HHLA2: variants seen among roughly 807,000 people sequenced by gnomAD.
HHLA2 encodes the protein HERV-H LTR-associating protein 2.
Under a neutral mutation model 45.9 loss-of-function variants are expected in HHLA2, and 48 were observed. The observed-to-expected ratio is 1.05, with a 90% CI of 0.83 to 1.33. The LOEUF is 1.33. Ranked by LOEUF, HHLA2 falls within the 40% of genes most tolerant of loss-of-function variation. The pLI, the probability that HHLA2 is intolerant of heterozygous loss-of-function variation, is 0.00. For missense variants in HHLA2, 462 were observed against 494.3 expected (o/e 0.93, Z 0.62); for synonymous variants, 161 against 173.9 (o/e 0.93, Z 0.59).
intron 2 of HHLA2, among the ~76,000 whole-genome samples, chr3:108,316,575 C>T (rs1056708135): frequency 1.3e-5 from 2 of 152,040 alleles, no homozygotes; most frequent in Non-Finnish European, 2.9e-5. Flanking sequence ...AACCTGCAGA[C>T]AACTGGTGTA....
chr3:108,329,533 G>C (rs563946387), intron 3 of HHLA2, among the ~76,000 whole-genome samples: 1 of 152,070 alleles, frequency 6.6e-6, no homozygotes, highest in East Asian at 1.9e-4. Context: ...TGTTTTCAGC[G>C]GGTCTAAATA....
chr3:108,366,487 C>CCTT (rs1296347685), intron 8 of HHLA2, among the ~76,000 whole-genome samples: 1 of 152,106 alleles, frequency 6.6e-6, no homozygotes, highest in Non-Finnish European at 1.5e-5. Flanking sequence ...ATGATGCTGG[C>CCTT]CTTATAAAAT....
intron 10 of HHLA2, 38 bp downstream of exon 9, chr3:108,376,595 TA>T: frequency 6.4e-7 from 1 of 1,552,772 alleles, no homozygotes; most frequent in Non-Finnish European, 8.8e-7. Context: ...ATATACAGTA[TA>T]AAAATGCTTC....
intron 9 of HHLA2, 88 bp from the exon 9 acceptor site, chr3:108,376,405 A>G: frequency 2.0e-6 from 2 of 982,664 alleles, no homozygotes; most frequent in Non-Finnish European, 3.0e-6. Context: ...GATGATTCTA[A>G]TAACATGATT....
chr3:108,319,422 T>C (rs1436976908), intron 2 of HHLA2, among the ~76,000 whole-genome samples: 1 of 152,228 alleles, frequency 6.6e-6, no homozygotes, highest in Non-Finnish European at 1.5e-5. Flanking sequence ...TCTTCTTGCC[T>C]TCTTCAGCTC....
intron 8 of HHLA2, among the ~76,000 whole-genome samples, chr3:108,371,158 G>A (rs1157956783): frequency 6.6e-6 from 1 of 152,242 alleles, no homozygotes; most frequent in Non-Finnish European, 1.5e-5. Context: ...CCAGAAGAGA[G>A]TGGGGGCCAA....
At chr3:108,301,203 G>T (rs924069719) in intron 1 of HHLA2, among the ~76,000 whole-genome samples, 72 of 152,214 alleles carry the variant, frequency 4.7e-4, no homozygotes, top group African/African-American at 1.7e-3. Flanking sequence ...TCCTAAGTGT[G>T]CTTTGTAGAT....
At chr3:108,375,698 C>T in intron 8 of HHLA2, 52 bp from the exon 8 acceptor site, 2 of 1,585,720 alleles carry the variant, frequency 1.3e-6, no homozygotes, top group Non-Finnish European at 1.7e-6. Flanking sequence ...TACAGGGAAA[C>T]AGCTGGGAGA....
chr3:108,336,198 GTAGT>G (rs1560222916), intron 3 of HHLA2, among the ~76,000 whole-genome samples: 1 of 152,142 alleles, frequency 6.6e-6, no homozygotes, highest in African/African-American at 2.4e-5. Context: ...TATTTATGAA[GTAGT>G]TAGCCTTATG....
At chr3:108,328,033 T>C (rs2081318091) in intron 2 of HHLA2, among the ~76,000 whole-genome samples, 1 of 152,014 alleles carries the variant, frequency 6.6e-6, no homozygotes, top group African/African-American at 2.4e-5. Context: ...CTTGGGAGGC[T>C]GAGGCAGGAG....
intron 3 of HHLA2, among the ~76,000 whole-genome samples, chr3:108,342,259 C>CTTTTTTTT (rs58477416): frequency 1.9e-5 from 2 of 108,100 alleles, no homozygotes; most frequent in Non-Finnish European, 3.6e-5. Flanking sequence ...TTCTTTCTCT[C>CTTTTTTTT]TTTTTTTTTT....
At chr3:108,305,366 C>T (rs897925601) in intron 1 of HHLA2, among the ~76,000 whole-genome samples, 1 of 152,082 alleles carries the variant, frequency 6.6e-6, no homozygotes, top group Non-Finnish European at 1.5e-5. Flanking sequence ...TTCTCTTGGT[C>T]GTAGCATTCA....
At chr3:108,321,028 A>C (rs1391852266) in intron 2 of HHLA2, among the ~76,000 whole-genome samples, 4 of 148,648 alleles carry the variant, frequency 2.7e-5, no homozygotes, top group East Asian at 4.0e-4. Flanking sequence ...ATTTATTAGC[A>C]AATTGTCAAG....
chr3:108,338,628 C>T (rs934257213), intron 3 of HHLA2, among the ~76,000 whole-genome samples: 1 of 152,208 alleles, frequency 6.6e-6, no homozygotes, highest in Admixed American at 6.5e-5. Context: ...TTTCTCTCCA[C>T]AAGCCTAGCA....
chr3:108,324,348 A>C (rs2081253319), intron 2 of HHLA2, among the ~76,000 whole-genome samples: 1 of 152,176 alleles, frequency 6.6e-6, no homozygotes, highest in Non-Finnish European at 1.5e-5. Context: ...GCCTTATTTT[A>C]TTAACTGTAC....
chr3:108,317,433 A>G (rs2081120645), intron 2 of HHLA2, among the ~76,000 whole-genome samples: 1 of 152,196 alleles, frequency 6.6e-6, no homozygotes, highest in African/African-American at 2.4e-5. Flanking sequence ...GCAGTGAGGG[A>G]AGAAGGGAAC....
chr3:108,312,511 C>CT (rs35442894), intron 2 of HHLA2, among the ~76,000 whole-genome samples: 1 of 152,080 alleles, frequency 6.6e-6, no homozygotes, highest in African/African-American at 2.4e-5. Context: ...TGTATACACT[C>CT]TTCCAGAGAT....
At chr3:108,328,891 T>C (rs768085136) in intron 3 of HHLA2, among the ~76,000 whole-genome samples, 24 of 152,246 alleles carry the variant, frequency 1.6e-4, no homozygotes, top group East Asian at 1.9e-4. Context: ...GTGGATTAAG[T>C]ATGGGGTCTC....
At chr3:108,308,576 T>C (rs955569390) in intron 1 of HHLA2, among the ~76,000 whole-genome samples, 1 of 152,208 alleles carries the variant, frequency 6.6e-6, no homozygotes, top group African/African-American at 2.4e-5. Context: ...TTTAGTTTTT[T>C]AGGAACCTCC....
Sources: gnomAD v4.1 joint callset for allele counts (sites outside exome capture counted in the v4.1 genomes callset) on GRCh38, gnomAD v4.1.1 for gene constraint, MANE v1.5 for transcripts, NCBI Gene and HGNC (gene_info 2026-07-23, HGNC 2026-07-21) for gene names.